Variants in PHLDB2 observed in about 807,000 individuals in gnomAD.
PHLDB2 encodes the protein pleckstrin homology-like domain family B member 2.
PHLDB2 carries 71 observed loss-of-function variants against 123.6 expected under a neutral mutation model. That is an observed-to-expected ratio of 0.57 (90% CI 0.47 to 0.70). PHLDB2 has a LOEUF of 0.70. Among genes scored for constraint, PHLDB2 ranks in the 30% least tolerant of loss-of-function variants. The probability of loss-of-function intolerance (pLI) is 0.00; values close to 1 mark genes in which losing one functional copy is unlikely to be tolerated. For missense variants in PHLDB2, 1,446 were observed against 1,519.5 expected, an observed-to-expected ratio of 0.95 and a Z score of 0.80; for synonymous variants, 547 against 541.6, an observed-to-expected ratio of 1.01 and a Z score of -0.14.
intron 7 of PHLDB2, among the ~76,000 whole-genome samples, chr3:111,939,991 T>G (rs1432392632): frequency 6.6e-6 from 1 of 152,196 alleles, no homozygotes; most frequent in Non-Finnish European, 1.5e-5. Context: ...TCAGTAGTTC[T>G]CAAAACTGGC....
intron 1 of PHLDB2, among the ~76,000 whole-genome samples, chr3:111,768,870 A>G (rs942061491): frequency 6.6e-6 from 1 of 152,192 alleles, no homozygotes; most frequent in African/African-American, 2.4e-5. Flanking sequence ...GGAATGCTTC[A>G]GCATACCATT....
chr3:111,890,035 AG>A (rs2066388308), intron 2 of PHLDB2, among the ~76,000 whole-genome samples: 1 of 152,206 alleles, frequency 6.6e-6, no homozygotes, highest in African/African-American at 2.4e-5. Flanking sequence ...CTTTTCCATC[AG>A]GCACAAAATA....
At chr3:111,969,010 A>G (rs956220557) in intron 15 of PHLDB2, among the ~76,000 whole-genome samples, 12 of 152,328 alleles carry the variant, frequency 7.9e-5, no homozygotes, top group African/African-American at 2.9e-4. Context: ...TATGCTTCCT[A>G]GATTGGACGG....
chr3:111,947,025 T>C (rs1311456681), intron 9 of PHLDB2, among the ~76,000 whole-genome samples: 1 of 152,122 alleles, frequency 6.6e-6, no homozygotes, highest in East Asian at 1.9e-4. Flanking sequence ...TAAAGGAAGG[T>C]GTCCGGAATC....
intron 2 of PHLDB2, among the ~76,000 whole-genome samples, chr3:111,900,806 A>G (rs1384257760): frequency 2.6e-5 from 4 of 152,248 alleles, no homozygotes; most frequent in Admixed American, 6.5e-5. Flanking sequence ...GCAGAGCGCA[A>G]TAAAGCAAAA....
At chr3:111,773,435 G>A (rs1430310045) in intron 1 of PHLDB2, among the ~76,000 whole-genome samples, 2 of 152,194 alleles carry the variant, frequency 1.3e-5, no homozygotes, top group Middle Eastern at 3.4e-3. Flanking sequence ...TAATAAAATC[G>A]GTGATTTGTC....
chr3:111,890,664 T>C (rs1454086788), intron 2 of PHLDB2, among the ~76,000 whole-genome samples: 1 of 152,198 alleles, frequency 6.6e-6, no homozygotes, highest in African/African-American at 2.4e-5. Context: ...CACCTGGATT[T>C]TTTTTAATGT....
chr3:111,867,939 G>GCCT (rs1559876099), intron 1 of PHLDB2, among the ~76,000 whole-genome samples: 2 of 151,658 alleles, frequency 1.3e-5, no homozygotes, highest in African/African-American at 2.4e-5. Context: ...GGGCTCCAGT[G>GCCT]ATCTGCCTGC....
At chr3:111,789,934 TC>T (rs1459161919) in intron 1 of PHLDB2, among the ~76,000 whole-genome samples, 5 of 152,150 alleles carry the variant, frequency 3.3e-5, no homozygotes, top group Non-Finnish European at 7.4e-5. Context: ...AAATCCATGA[TC>T]TTCACATGGC....
chr3:111,769,255 C>A (rs1040681344), intron 1 of PHLDB2, among the ~76,000 whole-genome samples: 7 of 152,150 alleles, frequency 4.6e-5, no homozygotes, highest in African/African-American at 1.7e-4. Flanking sequence ...TCCAAGTTCC[C>A]TTATCAAGCA....
At chr3:111,739,224 A>G (rs952918479) in intron 1 of PHLDB2, among the ~76,000 whole-genome samples, 10 of 152,206 alleles carry the variant, frequency 6.6e-5, no homozygotes, top group African/African-American at 1.9e-4. Flanking sequence ...GATCCCAGCT[A>G]TGCCACCTTG....
intron 2 of PHLDB2, 120 bp from the exon 3 acceptor site, chr3:111,913,199 T>C: frequency 9.1e-7 from 1 of 1,095,040 alleles, no homozygotes; most frequent in Non-Finnish European, 1.3e-6. Flanking sequence ...ACCAGCCAAG[T>C]GTTTGTGGGT....
At chr3:111,928,717 G>C (rs141848220) in intron 5 of PHLDB2, among the ~76,000 whole-genome samples, 1 of 152,226 alleles carries the variant, frequency 6.6e-6, no homozygotes, top group African/African-American at 2.4e-5. Context: ...ATATATGAAT[G>C]TGGAACTCTA....
intron 1 of PHLDB2, among the ~76,000 whole-genome samples, chr3:111,839,048 C>A (rs2063548395): frequency 6.6e-6 from 1 of 152,112 alleles, no homozygotes. Context: ...CACACTCAAG[C>A]AATTATTCAT....
chr3:111,885,785 G>A, intron 2 of PHLDB2: 2 of 587,174 alleles, frequency 3.4e-6, no homozygotes, highest in South Asian at 2.2e-5. Context: ...AAATTTGCTT[G>A]TGTATGGTTA....
Position 111,884,908 on chromosome 3 carries a change from T to C in PHLDB2, c.831T>C (p.Ser277=), listed in dbSNP as rs772028372. 3.1e-6 allele frequency: 5 copies of C among 1,614,010 alleles called. No homozygotes were observed. The highest frequency in any genetic ancestry group is 4.2e-6 in the Non-Finnish European group (5 of 1,179,964). Residue 277 remains serine, a synonymous_variant, in exon 2 of 18, where the codon TCT becomes TCC. Coordinates refer to ENST00000431670, the MANE Select transcript of PHLDB2 (RefSeq NM_001134438.2). ...CTCTCAGCTTGCCTCCAAGAAACTC[T>C]CTGGGCAATTCCAAACGAACAAAAC... is the stretch of plus-strand genomic sequence containing the variant. The part of the protein sequence containing the change: ...LTPLSLPPRN[S]LGNSKRTKLG...
chr3:111,961,099 G>A (rs1577202638), intron 12 of PHLDB2, among the ~76,000 whole-genome samples: 1 of 152,178 alleles, frequency 6.6e-6, no homozygotes, highest in South Asian at 2.1e-4. Flanking sequence ...TTGGGAGGCC[G>A]AGGCAGGCAG....
At chr3:111,895,409 A>T (rs950670918) in intron 2 of PHLDB2, among the ~76,000 whole-genome samples, 3 of 152,252 alleles carry the variant, frequency 2.0e-5, no homozygotes, top group African/African-American at 7.2e-5. Flanking sequence ...TGTGTCAGTT[A>T]TAGAAGAAGT....
At chr3:111,791,280 C>A (rs1352826059) in intron 1 of PHLDB2, among the ~76,000 whole-genome samples, 2 of 152,140 alleles carry the variant, frequency 1.3e-5, no homozygotes, top group African/African-American at 4.8e-5. Flanking sequence ...CTATACAGGA[C>A]CCCTGTGAGC....
Sources: allele counts gnomAD v4.1 joint callset (sites outside exome capture counted in the v4.1 genomes callset), GRCh38; gene constraint gnomAD v4.1.1; transcripts MANE v1.5; gene names NCBI Gene and HGNC (gene_info 2026-07-23, HGNC 2026-07-21).